The following PIK3C2A variants were observed in gnomAD, a reference collection of about 807,000 sequenced individuals.
PIK3C2A encodes phosphatidylinositol 4-phosphate 3-kinase C2 domain-containing subunit alpha.
Under a neutral mutation model 204.5 loss-of-function variants are expected in PIK3C2A, and 97 were observed. That is an observed-to-expected ratio of 0.47 (90% CI 0.40 to 0.56). The LOEUF (loss-of-function observed/expected upper bound fraction) is 0.56. Among genes scored for constraint, PIK3C2A ranks in the 20% least tolerant of loss-of-function variants. PIK3C2A has a pLI of 0.00. For missense variants in PIK3C2A, 1,735 were observed against 1,969.2 expected (o/e 0.88, Z 2.25); for synonymous variants, 653 against 664.4 (o/e 0.98, Z 0.26).
chr11:17,096,965 A>G (rs1454927665), intron 27 of PIK3C2A, 92 bp downstream of exon 27: 3 of 743,614 alleles, frequency 4.0e-6, no homozygotes, highest in Non-Finnish European at 6.9e-6. Flanking sequence ...AATAGAACAA[A>G]TGCTTGCAAC....
At chr11:17,116,043 T>C (rs1849178193) in intron 19 of PIK3C2A, among the ~76,000 whole-genome samples, 1 of 152,070 alleles carries the variant, frequency 6.6e-6, no homozygotes, top group Admixed American at 6.6e-5. Context: ...ATAGATAAAC[T>C]GGACTTCATC....
chr11:17,153,160 G>C (rs578257258), intron 3 of PIK3C2A, among the ~76,000 whole-genome samples: 1 of 152,114 alleles, frequency 6.6e-6, no homozygotes, highest in Non-Finnish European at 1.5e-5. Context: ...GACCGGGTGT[G>C]GTGGCTCACA....
rs140735527 is a variant in PIK3C2A at position 17,133,282 on chromosome 11, T to C, written c.2109-1244A>G. On this transcript the variant is annotated intron_variant, in intron 11 of 32. Coordinates refer to ENST00000691414, the MANE Select transcript of PIK3C2A (RefSeq NM_002645.4). ...GTACAAACGTGTGTGTGTGTGTGTG[T>C]GCCTATGGAGAATGTGAAGATTATT... Among the ~76,000 whole-genome samples the C allele has an allele frequency of 9.6e-3, 1,457 of 152,184 alleles. 17 individuals carry two copies. Among genetic ancestry groups the C allele is most frequent in the South Asian group, 0.031 (147 of 4,812 alleles).
intron 1 of PIK3C2A, among the ~76,000 whole-genome samples, chr11:17,197,257 A>G (rs1852193990): frequency 6.6e-6 from 1 of 151,922 alleles, no homozygotes; most frequent in Non-Finnish European, 1.5e-5. Flanking sequence ...TGGGCACAAG[A>G]GATCCACCCA....
chr11:17,094,256 C>A lies in PIK3C2A; in HGVS notation c.4451+5G>T. On this transcript the variant is annotated splice_donor_5th_base_variant and intron_variant, in intron 28 of 32. Coordinates refer to ENST00000691414, the MANE Select transcript of PIK3C2A (RefSeq NM_002645.4). ...AAGGATTAATGTACAAGGATGAATA[C>A]ATACCCTGGTAACTTCCAAAGTGGA... is the stretch of plus-strand genomic sequence containing the variant. 1 of 1,603,938 alleles carries A rather than the reference C, an allele frequency of 6.2e-7. No homozygotes were observed. The highest frequency in any genetic ancestry group is 8.5e-7 in the Non-Finnish European group (1 of 1,172,266).
At position 17,105,279 on chromosome 11, in the gene PIK3C2A, C is replaced by T. The variant is rs764455543; in HGVS notation, c.3571G>A (p.Asp1191Asn). ...RGMVELVPASDTLRKIQVEYG... is the reference protein window; with the variant it reads ...RGMVELVPASNTLRKIQVEYG... ...TCCACTTGGATTTTCCTGAGGGTAT[C>T]GGAAGCAGGAACCAGCTCCACCATG... Residue 1191 changes from aspartate (D) to asparagine (N), a missense_variant, in exon 23 of 33, where the codon GAT (aspartate) becomes AAT (asparagine). Transcript: ENST00000691414. 2 of 1,610,570 alleles carry T rather than the reference C, an allele frequency of 1.2e-6. No homozygotes were observed. Among genetic ancestry groups the T allele is most frequent in the Admixed American group, 3.4e-5 (2 of 59,368 alleles).
At chr11:17,132,376 G>A (rs1849726835) in intron 11 of PIK3C2A, among the ~76,000 whole-genome samples, 1 of 136,760 alleles carries the variant, frequency 7.3e-6, no homozygotes, top group South Asian at 2.2e-4. Context: ...AGGACGGACT[G>A]CGGACTGCAG....
intron 2 of PIK3C2A, among the ~76,000 whole-genome samples, chr11:17,159,646 A>G (rs551455941): frequency 6.6e-6 from 1 of 152,332 alleles, no homozygotes; most frequent in South Asian, 2.1e-4. Flanking sequence ...GTCAAGCTCC[A>G]TTAAGAGGAA....
rs551228060 is a variant in PIK3C2A, at chr11:17,200,437, A to G, written c.-66+7411T>C. 1.0e-4 allele frequency among the ~76,000 whole-genome samples: 14 copies of G among 140,622 alleles called. 1 individual carries two copies. The East Asian group carries it at 3.3e-3, about 33-fold the overall frequency. 92.3% of individuals were successfully genotyped at this position (140,622 alleles called of 152,430 possible). On this transcript the variant is annotated intron_variant, in intron 1 of 32. Coordinates refer to ENST00000691414, the MANE Select transcript of PIK3C2A (RefSeq NM_002645.4). ...ACTTTCTAAAAAAGTTTATTAATAA[A>G]AAAGAGACATGTTATTGAATCTCAA...
At chr11:17,172,589 T>C (rs756208692) in intron 1 of PIK3C2A, among the ~76,000 whole-genome samples, 26 of 152,242 alleles carry the variant, frequency 1.7e-4, no homozygotes, top group Non-Finnish European at 3.2e-4. Context: ...TTTTTCTTAT[T>C]AGTTTTAGAA....
intron 1 of PIK3C2A, among the ~76,000 whole-genome samples, chr11:17,196,898 G>C (rs1199535638): frequency 1.3e-5 from 2 of 151,902 alleles, no homozygotes; most frequent in Non-Finnish European, 2.9e-5. Context: ...TTTTCAATAG[G>C]GTAGTCAGGG....
chr11:17,168,495 G>C lies in PIK3C2A; in HGVS notation c.1065+182C>G, dbSNP rs61762000. ...ACTCGGGAGGCTGAGGCAGGAGAAG[G>C]GTGTGAACCTGGGAGGCGGAGCTTG... On this transcript the variant is annotated intron_variant, in intron 2 of 32. Coordinates refer to ENST00000691414, the MANE Select transcript of PIK3C2A (RefSeq NM_002645.4). Among the ~76,000 whole-genome samples, 718 of 152,074 alleles carry C rather than the reference G, an allele frequency of 4.7e-3. 10 individuals are homozygous for C. The highest frequency in any genetic ancestry group is 0.016 in the African/African-American group (683 of 41,484).
At chr11:17,155,842 AT>A (rs1182640915) in intron 2 of PIK3C2A, among the ~76,000 whole-genome samples, 6 of 152,298 alleles carry the variant, frequency 3.9e-5, no homozygotes, top group Admixed American at 1.3e-4. Context: ...TACTTGCTCA[AT>A]AGTAGAAACA....
intron 12 of PIK3C2A, among the ~76,000 whole-genome samples, chr11:17,129,740 C>T (rs1343656926): frequency 6.6e-6 from 1 of 152,120 alleles, no homozygotes; most frequent in Non-Finnish European, 1.5e-5. Context: ...TATAGGCACC[C>T]ACCACCACGC....
rs1292526323 is a variant in PIK3C2A, at chr11:17,135,112, C to T, written c.1896G>A (p.Arg632=). ...GGEDTSRSST[R]GSLNPENPVQ... ...AAATTTAAAGATTTAAACACATACC[C>T]CTAGTTGAACTCCTGCTAGTGTCTT... The change falls in exon 10 of 33, where the codon AGG becomes AGA. Residue 632 remains arginine (R), a splice_region_variant and synonymous_variant. Coordinates refer to ENST00000691414, the MANE Select transcript of PIK3C2A (RefSeq NM_002645.4). The T allele has an allele frequency of 3.7e-6, 6 of 1,613,638 alleles. No homozygotes were observed. The African/African-American group carries it at 5.3e-5, about 14-fold the overall frequency.
chr11:17,162,265 C>G (rs1447053433), intron 2 of PIK3C2A, among the ~76,000 whole-genome samples: 2 of 151,334 alleles, frequency 1.3e-5, no homozygotes, highest in African/African-American at 4.9e-5. Flanking sequence ...TGCTTGAACC[C>G]GAGACGTGGA....
intron 14 of PIK3C2A, 52 bp from the exon 15 acceptor site, chr11:17,122,385 T>C (rs1464747666): frequency 1.8e-6 from 2 of 1,121,424 alleles, no homozygotes; most frequent in Non-Finnish European, 2.6e-6. Context: ...ATTTGCCACA[T>C]TAACCTCTTT....
At chr11:17,155,862 C>T (rs1257150134) in intron 2 of PIK3C2A, among the ~76,000 whole-genome samples, 1 of 152,032 alleles carries the variant, frequency 6.6e-6, no homozygotes, top group African/African-American at 2.4e-5. Flanking sequence ...CAGGCTATAC[C>T]GGTCAGTAAG....
chr11:17,116,430 T>C (rs908633071), intron 19 of PIK3C2A, among the ~76,000 whole-genome samples: 3 of 152,130 alleles, frequency 2.0e-5, no homozygotes, highest in Non-Finnish European at 2.9e-5. Context: ...GGAACCCTTC[T>C]ATATTGCTGG....
Sources: allele counts gnomAD v4.1 joint callset (sites outside exome capture counted in the v4.1 genomes callset), GRCh38; gene constraint gnomAD v4.1.1; transcripts MANE v1.5; gene names NCBI Gene and HGNC (gene_info 2026-07-23, HGNC 2026-07-21).